SCGB1D4: variants seen among roughly 807,000 people sequenced by gnomAD.
The protein encoded by SCGB1D4 is IFN-gamma inducible SCGB (IIS).
SCGB1D4 carries 6 observed loss-of-function variants against 8.1 expected under a neutral mutation model. The observed-to-expected ratio is 0.74, with a 90% CI of 0.40 to 1.45. The LOEUF (loss-of-function observed/expected upper bound fraction) is 1.45. Ranked by LOEUF, SCGB1D4 falls within the 40% of genes most tolerant of loss-of-function variation. The pLI is 0.02. For synonymous variants in SCGB1D4, 34 were observed against 38.1 expected, an observed-to-expected ratio of 0.89 and a Z score of 0.39; for missense variants, 93 against 95.0, an observed-to-expected ratio of 0.98 and a Z score of 0.09.
intron 1 of SCGB1D4, among the ~76,000 whole-genome samples, chr11:62,298,010 TTG>T (rs71458409): frequency 0.49 from 56,642 of 115,920 alleles, 14,494 homozygotes; most frequent in Middle Eastern, 0.56. Context: ...ATGCCCGCTT[TTG>T]TGTGTGTGTG....
At chr11:62,298,530 G>A (rs998016286) in intron 1 of SCGB1D4, among the ~76,000 whole-genome samples, 6 of 151,992 alleles carry the variant, frequency 3.9e-5, no homozygotes, top group African/African-American at 7.2e-5. Flanking sequence ...AGGCCGAGGC[G>A]GGCAGATCAT....
In SCGB1D4 at chr11:62,296,429, AAAAAAAGAAAG is replaced by A; in HGVS notation, c.243-21_243-11del. 1 of 1,609,770 alleles carries A rather than the reference AAAAAAAGAAAG, an allele frequency of 6.2e-7. No homozygotes were observed. ...TTTTCACTATTTCCACCTGAAATCA[AAAAAAAGAAAG>A]AAAGAAAGAAAGGTGAGGTCAGTCA... is the stretch of plus-strand genomic sequence containing the variant. On this transcript the variant is annotated splice_polypyrimidine_tract_variant and intron_variant, in intron 2 of 2. Coordinates refer to ENST00000358585, the MANE Select transcript of SCGB1D4 (RefSeq NM_206998.2).
At chr11:62,298,825 A>T in intron 1 of SCGB1D4, 131 bp downstream of exon 1, 1 of 641,966 alleles carries the variant, frequency 1.6e-6, no homozygotes, top group Non-Finnish European at 2.5e-6. Flanking sequence ...TTATTCAACA[A>T]GCACAGAAAA....
intron 1 of SCGB1D4, 117 bp from the exon 2 acceptor site, chr11:62,297,775 T>TCATCA: frequency 1.3e-6 from 1 of 778,924 alleles, no homozygotes; most frequent in Non-Finnish European, 2.0e-6. Context: ...ACCATTATTG[T>TCATCA]GCTGATGACA....
At chr11:62,297,014 T>C (rs867412675) in intron 2 of SCGB1D4, among the ~76,000 whole-genome samples, 7 of 152,194 alleles carry the variant, frequency 4.6e-5, no homozygotes, top group African/African-American at 1.4e-4. Context: ...TTGTGTGGCG[T>C]TGCAGTAGGT....
At chr11:62,296,649 C>T (rs1023505469) in intron 2 of SCGB1D4, among the ~76,000 whole-genome samples, 1 of 152,128 alleles carries the variant, frequency 6.6e-6, no homozygotes, top group African/African-American at 2.4e-5. Flanking sequence ...CTGGGAAGAC[C>T]CAGGAGTTAG....
Position 62,297,513 on chromosome 11 carries a change from A to G in SCGB1D4, c.201T>C (p.Asp67=), listed in dbSNP as rs1945452098. 1 of 1,613,134 alleles carries G rather than the reference A, an allele frequency of 6.2e-7. No individual in the cohort carries two copies. Among genetic ancestry groups the G allele is most frequent in the African/African-American group, 1.3e-5 (1 of 74,978 alleles). ...AAKLEVKHCT[D]QISFKKRLSL... is the part of the protein sequence containing the mutation. ...AGAGTCGTTTCTTAAAAGATATCTG[A>G]TCGGTGCAGTGCTTCACTTCCAACT... Residue 67 remains aspartate, a synonymous_variant, in exon 2 of 3, where the codon GAT becomes GAC. Coordinates refer to ENST00000358585, the MANE Select transcript of SCGB1D4 (RefSeq NM_206998.2).
chr11:62,297,687 A>G (rs772375140), intron 1 of SCGB1D4, 29 bp from the exon 2 acceptor site: 1 of 1,598,340 alleles, frequency 6.3e-7, no homozygotes, highest in Non-Finnish European at 8.5e-7. Flanking sequence ...AATATTGTTG[A>G]TGTTAGGAAA....
intron 2 of SCGB1D4, among the ~76,000 whole-genome samples, chr11:62,297,222 C>A (rs1029153763): frequency 6.6e-6 from 1 of 152,178 alleles, no homozygotes; most frequent in Admixed American, 6.5e-5. Context: ...TCAAATCTCC[C>A]ACACTCCCTG....
intron 2 of SCGB1D4, 80 bp downstream of exon 2, chr11:62,297,392 G>A (rs1945448896): frequency 2.7e-6 from 3 of 1,119,248 alleles, no homozygotes; most frequent in East Asian, 4.7e-5. Flanking sequence ...CATCCAGGCA[G>A]GTGACCTGAC....
chr11:62,298,758 A>G (rs1485163973), intron 1 of SCGB1D4, among the ~76,000 whole-genome samples, 198 bp downstream of exon 1: 2 of 24,560 alleles, frequency 8.1e-5, no homozygotes, highest in African/African-American at 8.8e-4. Flanking sequence ...AAACTTCTCA[A>G]AAAAAAAAAA....
chr11:62,297,657 G>A lies in SCGB1D4; in HGVS notation c.57C>T (p.Ala19=), dbSNP rs1945453938. 1 of 1,606,980 alleles carries A rather than the reference G, an allele frequency of 6.2e-7. No homozygotes were observed. The highest frequency in any genetic ancestry group is 8.5e-7 in the Non-Finnish European group (1 of 1,177,836). Residue 19 remains alanine, a splice_region_variant and synonymous_variant, in exon 2 of 3, where the codon GCC becomes GCT. Coordinates refer to ENST00000358585, the MANE Select transcript of SCGB1D4 (RefSeq NM_206998.2). ...CAACAGCTGGGCAGACAAGAGCATG[G>A]GCTGCAGCACAAAAATAAAAATATT... ...MVSLALCCYQ[A]HALVCPAVAS...
intron 1 of SCGB1D4, among the ~76,000 whole-genome samples, 172 bp downstream of exon 1, chr11:62,298,780 GAAGA>G (rs1945465499): frequency 2.0e-5 from 3 of 147,652 alleles, no homozygotes; most frequent in Non-Finnish European, 3.0e-5. Flanking sequence ...AAAAAAGGAA[GAAGA>G]AAGAAGAAAT....
chr11:62,296,611 G>A (rs1945443236), intron 2 of SCGB1D4, among the ~76,000 whole-genome samples, 192 bp from the exon 3 acceptor site: 1 of 152,178 alleles, frequency 6.6e-6, no homozygotes, highest in South Asian at 2.1e-4. Flanking sequence ...TGGTGAGAAA[G>A]CAGCCTTTCC....
Position 62,297,561 on chromosome 11 carries a change from TG to T in SCGB1D4, c.152del (p.Pro51HisfsTer12), listed in dbSNP as rs757155126. Reference sequence around the variant, plus strand: ...ACTTGGCTGCAAGAGCTTCTGGAGGTGGATTAAGTTTGGCAACTTGGAGGTT... The same window carrying T: ...ACTTGGCTGCAAGAGCTTCTGGAGGTGATTAAGTTTGGCAACTTGGAGGTT... ...AVNLQVAKLNPPPEALAAKLE... is the reference protein window; with the variant it reads ...AVNLQVAKLNXPPEALAAKLE... On this transcript the variant is annotated frameshift_variant, in exon 2 of 3. Transcript: ENST00000358585. LOFTEE classifies it high-confidence loss of function. The T allele has an allele frequency of 2.1e-5, 34 of 1,613,560 alleles. No individual in the cohort carries two copies. The highest frequency in any genetic ancestry group is 2.6e-5 in the Non-Finnish European group (31 of 1,179,818).
intron 1 of SCGB1D4, among the ~76,000 whole-genome samples, chr11:62,297,965 C>G (rs1565139682): frequency 1.3e-5 from 2 of 151,706 alleles, no homozygotes. Flanking sequence ...CTCCCTCAGC[C>G]CCCAAAGTAG....
chr11:62,298,043 TG>T (rs2134521987), intron 1 of SCGB1D4, among the ~76,000 whole-genome samples: 3 of 125,292 alleles, frequency 2.4e-5, no homozygotes, highest in East Asian at 4.8e-4. Flanking sequence ...TGTGTGTGTG[TG>T]TGTTTTGTTT....
intron 1 of SCGB1D4, among the ~76,000 whole-genome samples, chr11:62,298,669 G>T (rs1412176295): frequency 1.4e-5 from 2 of 146,964 alleles, no homozygotes; most frequent in Non-Finnish European, 3.0e-5. Context: ...TGAGGCAGGA[G>T]AATCACTTGA....
intron 2 of SCGB1D4, 22 bp downstream of exon 2, chr11:62,297,450 G>A: frequency 1.3e-6 from 2 of 1,584,416 alleles, no homozygotes; most frequent in Non-Finnish European, 1.7e-6. Flanking sequence ...TTCTGCCTCT[G>A]CATAAAGGAG....
Sources: gnomAD v4.1 joint callset for allele counts (sites outside exome capture counted in the v4.1 genomes callset) on GRCh38, gnomAD v4.1.1 for gene constraint, MANE v1.5 for transcripts, NCBI Gene and HGNC (gene_info 2026-07-23, HGNC 2026-07-21) for gene names.